Variants in TNR observed in about 807,000 individuals in gnomAD.
The protein encoded by TNR is tenascin R.
In TNR, 45 loss-of-function variants were observed where a neutral mutation model predicts 150.4. That is an observed-to-expected ratio of 0.30 (90% confidence interval 0.24 to 0.38). The LOEUF (loss-of-function observed/expected upper bound fraction) is 0.38, where lower values mean the gene tolerates loss of function less well. Ranked by LOEUF, TNR falls within the 10% of genes least tolerant of loss-of-function variation. The pLI is 1.00. For missense variants in TNR, 1,544 were observed against 1,759.1 expected (o/e 0.88, Z 2.19); for synonymous variants, 687 against 678.4 (o/e 1.01, Z -0.20).
chr1:175,624,317 C>T (rs992587882), intron 1 of TNR, among the ~76,000 whole-genome samples: 2 of 152,094 alleles, frequency 1.3e-5, no homozygotes, highest in African/African-American at 4.8e-5. Flanking sequence ...CTCCATCCCC[C>T]AATTCATGTT....
chr1:175,354,908 T>C (rs1651246907), intron 17 of TNR, among the ~76,000 whole-genome samples: 1 of 152,238 alleles, frequency 6.6e-6, no homozygotes, highest in Admixed American at 6.5e-5. Flanking sequence ...TTTCTGCATA[T>C]GATTTCCCTT....
chr1:175,439,284 CT>C (rs1189780423), intron 2 of TNR, among the ~76,000 whole-genome samples: 1 of 152,090 alleles, frequency 6.6e-6, no homozygotes, highest in African/African-American at 2.4e-5. Flanking sequence ...AAAGGATTCC[CT>C]ATTTAACAAA....
At chr1:175,422,710 T>C (rs1654809236) in intron 2 of TNR, among the ~76,000 whole-genome samples, 1 of 152,224 alleles carries the variant, frequency 6.6e-6, no homozygotes, top group South Asian at 2.1e-4. Flanking sequence ...CATTGTTTCT[T>C]ATTATTGACC....
chr1:175,543,524 A>G (rs1371239174), intron 1 of TNR, among the ~76,000 whole-genome samples: 1 of 152,168 alleles, frequency 6.6e-6, no homozygotes, highest in African/African-American at 2.4e-5. Flanking sequence ...AAACCTGACC[A>G]CTGAGCTAAT....
intron 1 of TNR, among the ~76,000 whole-genome samples, chr1:175,627,223 C>T (rs1030631890): frequency 6.6e-6 from 1 of 152,206 alleles, no homozygotes; most frequent in Non-Finnish European, 1.5e-5. Flanking sequence ...AGCAGAATCT[C>T]ATGGAATAAA....
At position 175,741,278 on chromosome 1, in the gene TNR, C is replaced by A. The variant is rs77816504; in HGVS notation, c.-165+1948G>T. On this transcript the variant is annotated intron_variant, in intron 1 of 22. Transcript: ENST00000367674. ...CTATCCTCTGGCTTCCCACTTTAAG[C>A]GTCTGTGTCTCTCCATTTATAAAAT... Among the ~76,000 whole-genome samples, 1,294 of 152,290 alleles carry A rather than the reference C, an allele frequency of 8.5e-3. 11 individuals are homozygous for A. Among genetic ancestry groups the A allele is most frequent in the Non-Finnish European group, 0.012 (835 of 68,020 alleles).
intron 9 of TNR, among the ~76,000 whole-genome samples, chr1:175,376,885 T>C (rs369272047): frequency 7.7e-6 from 1 of 129,860 alleles, no homozygotes; most frequent in Non-Finnish European, 1.7e-5. Context: ...TATATACACA[T>C]ATATTTGAAA....
intron 1 of TNR, among the ~76,000 whole-genome samples, chr1:175,605,505 ACCTTGT>A (rs1448010292): frequency 3.9e-5 from 6 of 152,206 alleles, no homozygotes; most frequent in African/African-American, 1.4e-4. Flanking sequence ...AAAGACAGTG[ACCTTGT>A]CCTCATGAAC....
chr1:175,444,370 C>T (rs1003715358), intron 2 of TNR, among the ~76,000 whole-genome samples: 3 of 152,092 alleles, frequency 2.0e-5, no homozygotes, highest in African/African-American at 7.2e-5. Context: ...GGATTTGGAT[C>T]AGCTGAACGG....
At chr1:175,329,421 T>C (rs1463110844) in intron 21 of TNR, among the ~76,000 whole-genome samples, 1 of 152,142 alleles carries the variant, frequency 6.6e-6, no homozygotes, top group African/African-American at 2.4e-5. Context: ...TTCTGTTTGG[T>C]AGAAATGCTG....
intron 2 of TNR, among the ~76,000 whole-genome samples, chr1:175,518,946 A>C (rs2102167416): frequency 6.6e-6 from 1 of 152,350 alleles, no homozygotes; most frequent in South Asian, 2.1e-4. Flanking sequence ...TGATAAAGCT[A>C]CAGGCATCTC....
At chr1:175,742,855 A>G (rs1340111564) in intron 1 of TNR, among the ~76,000 whole-genome samples, 1 of 151,624 alleles carries the variant, frequency 6.6e-6, no homozygotes, top group Non-Finnish European at 1.5e-5. Context: ...TGCACGACTA[A>G]TTCCCCAAAC....
chr1:175,453,512 T>C (rs1414014724), intron 2 of TNR, among the ~76,000 whole-genome samples: 1 of 152,202 alleles, frequency 6.6e-6, no homozygotes, highest in East Asian at 1.9e-4. Context: ...CTTAGGTTTC[T>C]AACTTGCAGT....
chr1:175,622,636 A>G (rs1571686409), intron 1 of TNR, among the ~76,000 whole-genome samples: 1 of 152,164 alleles, frequency 6.6e-6, no homozygotes, highest in East Asian at 1.9e-4. Context: ...AGAACTCTCT[A>G]GACTGCTTTA....
At chr1:175,735,149 G>A (rs1667739064) in intron 1 of TNR, among the ~76,000 whole-genome samples, 1 of 152,180 alleles carries the variant, frequency 6.6e-6, no homozygotes, top group East Asian at 1.9e-4. Flanking sequence ...GCCATTTGCA[G>A]GGCTTTCATC....
chr1:175,671,943 G>T (rs1390678490), intron 1 of TNR, among the ~76,000 whole-genome samples: 1 of 151,778 alleles, frequency 6.6e-6, no homozygotes. Flanking sequence ...GTGTGTGTGT[G>T]TGTGTGTTGG....
At chr1:175,561,158 TATA>T (rs1454101043) in intron 1 of TNR, among the ~76,000 whole-genome samples, 2 of 152,208 alleles carry the variant, frequency 1.3e-5, no homozygotes, top group African/African-American at 2.4e-5. Context: ...TTTACAGGCT[TATA>T]ATACTCTTTT....
chr1:175,427,606 ATTATTTT>A (rs1571424563), intron 2 of TNR, among the ~76,000 whole-genome samples: 1 of 151,798 alleles, frequency 6.6e-6, no homozygotes, highest in African/African-American at 2.4e-5. Flanking sequence ...TTTATTTTTT[ATTATTTT>A]TTATTTTTTA....
At chr1:175,545,254 G>C (rs772600211) in intron 1 of TNR, among the ~76,000 whole-genome samples, 12 of 152,192 alleles carry the variant, frequency 7.9e-5, no homozygotes, top group Middle Eastern at 3.2e-3. Flanking sequence ...TGTCTCAATA[G>C]GTAGGTTAAT....
Sources: gnomAD v4.1 joint callset for allele counts (sites outside exome capture counted in the v4.1 genomes callset) on GRCh38, gnomAD v4.1.1 for gene constraint, MANE v1.5 for transcripts, NCBI Gene and HGNC (gene_info 2026-07-23, HGNC 2026-07-21) for gene names.